FSHR: variants seen among roughly 807,000 people sequenced by gnomAD.
The protein encoded by FSHR is follicle-stimulating hormone receptor.
FSHR carries 46 observed loss-of-function variants against 52.1 expected under a neutral mutation model. The observed-to-expected ratio is 0.88, with a 90% CI of 0.70 to 1.13. FSHR has a LOEUF of 1.13. Ranked by LOEUF, FSHR falls within the 50% of genes most tolerant of loss-of-function variation. FSHR has a pLI of 0.00. For missense variants in FSHR, 964 were observed against 834.6 expected, an observed-to-expected ratio of 1.16 and a Z score of -1.91; for synonymous variants, 399 against 309.6, an observed-to-expected ratio of 1.29 and a Z score of -3.03.
At chr2:49,131,453 A>G (rs564240415) in intron 1 of FSHR, among the ~76,000 whole-genome samples, 2 of 152,184 alleles carry the variant, frequency 1.3e-5, no homozygotes, top group Non-Finnish European at 2.9e-5. Context: ...TAAATAATCA[A>G]TTATTTGCTG....
Position 49,087,070 on chromosome 2 carries a change from G to GTTT in FSHR, c.153-18783_153-18781dup, listed in dbSNP as rs56890721. On this transcript the variant is annotated intron_variant, in intron 1 of 9. Transcript: ENST00000406846. ...GTAGTTGAGGGACCCTGTGGGCAGG[G>GTTT]TTTTTTTTTTTTTTTTTTTTTTTTT... is the stretch of plus-strand genomic sequence containing the variant. Among the ~76,000 whole-genome samples the GTTT allele has an allele frequency of 2.0e-3, 175 of 86,722 alleles. 13 individuals carry two copies. Among genetic ancestry groups the GTTT allele is most frequent in the African/African-American group, 6.3e-3 (147 of 23,374 alleles). The allele number at this position is 86,722 out of a possible 152,430, so 56.9% of individuals were successfully genotyped here. A position where few individuals can be genotyped will look rare whatever the true frequency, so the allele number is the denominator to read the frequency against.
chr2:49,098,429 G>C (rs1670903831), intron 1 of FSHR, among the ~76,000 whole-genome samples: 1 of 152,088 alleles, frequency 6.6e-6, no homozygotes, highest in Non-Finnish European at 1.5e-5. Flanking sequence ...TAGAAGAAGT[G>C]ATGCTTGGAT....
intron 2 of FSHR, among the ~76,000 whole-genome samples, chr2:49,058,139 T>G (rs193267519): frequency 2.0e-5 from 3 of 152,188 alleles, no homozygotes; most frequent in Non-Finnish European, 4.4e-5. Context: ...ACCACTCTTA[T>G]GTAACATAGT....
At chr2:49,020,664 C>T (rs1345154806) in intron 2 of FSHR, among the ~76,000 whole-genome samples, 1 of 152,138 alleles carries the variant, frequency 6.6e-6, no homozygotes, top group African/African-American at 2.4e-5. Context: ...AAACTTTATT[C>T]ATAAAAACAG....
In FSHR at chr2:49,068,299, A is replaced by C. The variant is rs374544061; in HGVS notation, c.153-9T>G. The C allele has an allele frequency of 5.0e-6, 8 of 1,608,792 alleles. No individual in the cohort carries two copies. Among genetic ancestry groups the C allele is most frequent in the African/African-American group, 4.0e-5 (3 of 74,592 alleles). On this transcript the variant is annotated splice_polypyrimidine_tract_variant and intron_variant, in intron 1 of 9. Coordinates refer to ENST00000406846, the MANE Select transcript of FSHR (RefSeq NM_000145.4). The stretch of plus-strand genomic sequence containing the variant: ...TGGTGAGGACAAACCTCCTGCAAAG[A>C]GAGTAGAAATAAAATATCACAACCT...
intron 4 of FSHR, among the ~76,000 whole-genome samples, chr2:48,995,347 C>G (rs1675977307): frequency 6.6e-6 from 1 of 151,846 alleles, no homozygotes; most frequent in Non-Finnish European, 1.5e-5. Flanking sequence ...GCTGGAGGAA[C>G]AATATGGGCT....
chr2:48,991,126 G>C (rs1050088249), intron 4 of FSHR, among the ~76,000 whole-genome samples: 1 of 152,096 alleles, frequency 6.6e-6, no homozygotes, highest in Non-Finnish European at 1.5e-5. Flanking sequence ...CTGGTTAGAG[G>C]TTGGTTAGAG....
At chr2:49,044,861 C>G (rs1237822314) in intron 2 of FSHR, among the ~76,000 whole-genome samples, 1 of 152,160 alleles carries the variant, frequency 6.6e-6, no homozygotes, top group Non-Finnish European at 1.5e-5. Flanking sequence ...TTTTCTGTCA[C>G]AAGAGGGAGT....
intron 1 of FSHR, among the ~76,000 whole-genome samples, chr2:49,093,010 C>T (rs1670671572): frequency 6.6e-6 from 1 of 152,122 alleles, no homozygotes; most frequent in African/African-American, 2.4e-5. Context: ...GGAATAAACC[C>T]CATTTGATCA....
chr2:49,009,307 T>A (rs967690067), intron 4 of FSHR, among the ~76,000 whole-genome samples: 1 of 151,632 alleles, frequency 6.6e-6, no homozygotes, highest in South Asian at 2.1e-4. Context: ...TGCTTGTTTT[T>A]CTCAGGCTTG....
chr2:49,017,641 A>C (rs1572639185), intron 3 of FSHR, 78 bp from the exon 4 acceptor site: 5 of 1,015,330 alleles, frequency 4.9e-6, no homozygotes, highest in Admixed American at 3.6e-5. Flanking sequence ...TACAGAGTAC[A>C]TAATAAATCA....
chr2:49,015,045 T>C (rs1173632210), intron 4 of FSHR: 4 of 321,016 alleles, frequency 1.2e-5, no homozygotes, highest in South Asian at 5.8e-5. Flanking sequence ...TAGTTCTTTA[T>C]AGTTTTTATA....
chr2:49,150,140 T>A (rs181604409), intron 1 of FSHR, among the ~76,000 whole-genome samples: 1 of 152,070 alleles, frequency 6.6e-6, no homozygotes, highest in African/African-American at 2.4e-5. Flanking sequence ...TAGGTGAAGC[T>A]GAGTTTCTAA....
At chr2:49,037,289 G>A (rs2104271586) in intron 2 of FSHR, among the ~76,000 whole-genome samples, 1 of 152,302 alleles carries the variant, frequency 6.6e-6, no homozygotes, top group South Asian at 2.1e-4. Context: ...TAATTTAAAT[G>A]TTATAACAGA....
chr2:49,014,453 A>T (rs1667408132), intron 4 of FSHR, among the ~76,000 whole-genome samples: 1 of 152,030 alleles, frequency 6.6e-6, no homozygotes, highest in Non-Finnish European at 1.5e-5. Flanking sequence ...TTTCAGAGGC[A>T]AAGGCATAGC....
At chr2:49,131,564 A>C (rs1404860974) in intron 1 of FSHR, among the ~76,000 whole-genome samples, 1 of 152,192 alleles carries the variant, frequency 6.6e-6, no homozygotes, top group Non-Finnish European at 1.5e-5. Context: ...TCTCTGTACC[A>C]CATTTTGTTT....
At chr2:49,102,822 C>G (rs1363632777) in intron 1 of FSHR, among the ~76,000 whole-genome samples, 1 of 145,706 alleles carries the variant, frequency 6.9e-6, no homozygotes, top group Non-Finnish European at 1.5e-5. Flanking sequence ...CTACCAAAAT[C>G]TCCATGATTT....
intron 1 of FSHR, among the ~76,000 whole-genome samples, chr2:49,070,396 C>A (rs963806879): frequency 1.6e-4 from 24 of 151,966 alleles, no homozygotes; most frequent in African/African-American, 5.3e-4. Context: ...AGCTCAACAC[C>A]CTACCTTAAT....
At chr2:49,007,252 C>T (rs146713085) in intron 4 of FSHR, among the ~76,000 whole-genome samples, 21 of 152,158 alleles carry the variant, frequency 1.4e-4, no homozygotes, top group African/African-American at 4.3e-4. Flanking sequence ...AGGGACATTG[C>T]ATCCTCCTGT....
Sources: allele counts gnomAD v4.1 joint callset (sites outside exome capture counted in the v4.1 genomes callset), GRCh38; gene constraint gnomAD v4.1.1; transcripts MANE v1.5; gene names NCBI Gene and HGNC (gene_info 2026-07-23, HGNC 2026-07-21).